The following ACVR1C variants were observed in gnomAD, a reference collection of about 807,000 sequenced individuals.
ACVR1C encodes activin receptor type-1C.
Under a neutral mutation model 57.9 loss-of-function variants are expected in ACVR1C, and 23 were observed. The ratio of observed to expected loss-of-function variants is 0.40; its 90% CI spans 0.29 to 0.56. ACVR1C has a LOEUF of 0.56. Among genes scored for constraint, ACVR1C ranks in the 20% least tolerant of loss-of-function variants. The pLI is 0.50. For missense variants in ACVR1C, 480 were observed against 607.9 expected (o/e 0.79, Z 2.21); for synonymous variants, 214 against 215.3 (o/e 0.99, Z 0.05).
chr2:157,540,557 A>G (rs1375174213), intron 7 of ACVR1C, among the ~76,000 whole-genome samples: 1 of 152,042 alleles, frequency 6.6e-6, no homozygotes, highest in Non-Finnish European at 1.5e-5. Context: ...CAGCCTCCCA[A>G]AGTGTTGGGA....
chr2:157,551,579 A>C (rs1345699731), intron 3 of ACVR1C, among the ~76,000 whole-genome samples: 1 of 152,208 alleles, frequency 6.6e-6, no homozygotes, highest in African/African-American at 2.4e-5. Context: ...TATGATGGTT[A>C]TTTCTCTTGG....
intron 1 of ACVR1C, among the ~76,000 whole-genome samples, chr2:157,621,484 C>T (rs540173471): frequency 2.6e-5 from 4 of 152,198 alleles, no homozygotes; most frequent in Admixed American, 6.5e-5. Context: ...TTGTATTGTT[C>T]GGGTTTCAGG....
intron 1 of ACVR1C, among the ~76,000 whole-genome samples, chr2:157,617,840 G>A (rs1162971127): frequency 1.3e-5 from 2 of 151,872 alleles, no homozygotes; most frequent in African/African-American, 2.4e-5. Flanking sequence ...CAATTGGTCA[G>A]TATATGGGTG....
chr2:157,538,328 T>C (rs1164479779), intron 8 of ACVR1C, among the ~76,000 whole-genome samples: 1 of 152,132 alleles, frequency 6.6e-6, no homozygotes, highest in Non-Finnish European at 1.5e-5. Context: ...TGCAGAGCAG[T>C]TTGTGTAAGC....
intron 8 of ACVR1C, among the ~76,000 whole-genome samples, chr2:157,535,645 T>C (rs190021654): frequency 2.6e-5 from 4 of 152,038 alleles, no homozygotes; most frequent in African/African-American, 7.2e-5. Context: ...CTGGCCAACA[T>C]AGTGGTGCAT....
At chr2:157,564,844 C>T (rs114755977) in intron 2 of ACVR1C, among the ~76,000 whole-genome samples, 6,767 of 152,196 alleles carry the variant, frequency 0.044, 275 homozygotes, top group African/African-American at 0.11. Flanking sequence ...CCTCAGCAAA[C>T]TAATACAGCA....
At chr2:157,601,689 G>T (rs529700171) in intron 1 of ACVR1C, among the ~76,000 whole-genome samples, 19 of 152,318 alleles carry the variant, frequency 1.2e-4, no homozygotes, top group African/African-American at 4.1e-4. Flanking sequence ...TCAGCAAGGT[G>T]CAGTAAAAAA....
At position 157,611,719 on chromosome 2, in the gene ACVR1C, C is replaced by T. The variant is rs150091538; in HGVS notation, c.73+16853G>A. ...GGGTATATTTTGTCAGTGGTGTTGA[C>T]AGCAAGCTGGGGGGGCCAGCTCTTA... On this transcript the variant is annotated intron_variant, in intron 1 of 8. Transcript: ENST00000243349. Among the ~76,000 whole-genome samples the T allele has an allele frequency of 1.5e-3, 231 of 152,272 alleles. 2 individuals carry two copies. The highest frequency in any genetic ancestry group is 5.4e-3 in the Admixed American group (83 of 15,296).
chr2:157,620,604 T>C lies in ACVR1C; in HGVS notation c.73+7968A>G, dbSNP rs558542432. 1.8e-3 allele frequency among the ~76,000 whole-genome samples: 281 copies of C among 152,286 alleles called. 2 individuals are homozygous for C. The highest frequency in any genetic ancestry group is 3.0e-3 in the Non-Finnish European group (206 of 67,992). On this transcript the variant is annotated intron_variant, in intron 1 of 8. Coordinates refer to ENST00000243349, the MANE Select transcript of ACVR1C (RefSeq NM_145259.3). Reference sequence around the variant, plus strand: ...CATTAAAAAAAATTTATATTTGTTGTTTTTAATTATTTTTTAATTGACACA... The same window carrying C: ...CATTAAAAAAAATTTATATTTGTTGCTTTTAATTATTTTTTAATTGACACA...
intron 2 of ACVR1C, among the ~76,000 whole-genome samples, chr2:157,572,063 G>A (rs1359957757): frequency 5.4e-5 from 2 of 36,866 alleles, no homozygotes; most frequent in African/African-American, 2.2e-4. Context: ...CATGTCCTTT[G>A]TAGGGACATG....
chr2:157,541,606 C>T (rs1687626757), intron 6 of ACVR1C, among the ~76,000 whole-genome samples: 1 of 152,192 alleles, frequency 6.6e-6, no homozygotes, highest in Non-Finnish European at 1.5e-5. Context: ...TGAAGGAATC[C>T]AGCATCCAAG....
chr2:157,597,541 C>T (rs1380531137), intron 1 of ACVR1C: 3 of 985,350 alleles, frequency 3.0e-6, no homozygotes, highest in South Asian at 4.7e-5. Flanking sequence ...GCTCGGCCAC[C>T]TGCCCGACGG....
chr2:157,609,512 A>G (rs535829075), intron 1 of ACVR1C, among the ~76,000 whole-genome samples: 2 of 152,030 alleles, frequency 1.3e-5, no homozygotes, highest in African/African-American at 2.4e-5. Context: ...TTTAAATCCA[A>G]TGTTTCTTTG....
intron 4 of ACVR1C, among the ~76,000 whole-genome samples, chr2:157,547,365 T>C (rs62176678): frequency 4.4e-4 from 29 of 65,930 alleles, no homozygotes; most frequent in Admixed American, 1.1e-3. Context: ...ATGGTATTTC[T>C]AGTTCTAGAT....
Position 157,628,754 on chromosome 2 carries a change from C to G in ACVR1C, c.-110G>C. 1 of 998,246 alleles carries G rather than the reference C, an allele frequency of 1.0e-6. No homozygotes were observed. 61.8% of individuals were successfully genotyped at this position (998,246 alleles called of 1,614,324 possible). ...GGGCCGCGGGAGGGGAGCGCGGCACCGACACCCTTTTGAAGTGCGCGGTTG... is the reference window on the plus strand; with the variant it reads ...GGGCCGCGGGAGGGGAGCGCGGCACGGACACCCTTTTGAAGTGCGCGGTTG... On this transcript the variant is annotated 5_prime_UTR_variant, in exon 1 of 9. Transcript: ENST00000243349.
intron 8 of ACVR1C, among the ~76,000 whole-genome samples, chr2:157,535,070 G>A (rs767903278): frequency 2.0e-5 from 3 of 149,976 alleles, no homozygotes; most frequent in East Asian, 1.9e-4. Flanking sequence ...GCTTAGGCCC[G>A]GAAGTTCAAG....
intron 2 of ACVR1C, among the ~76,000 whole-genome samples, chr2:157,563,540 C>T (rs897084904): frequency 1.3e-5 from 2 of 152,146 alleles, no homozygotes; most frequent in East Asian, 1.9e-4. Context: ...GGCCATGCTG[C>T]CTAAATTAAT....
intron 1 of ACVR1C, among the ~76,000 whole-genome samples, chr2:157,623,802 CATG>C (rs1443359924): frequency 6.6e-6 from 1 of 152,034 alleles, no homozygotes; most frequent in East Asian, 1.9e-4. Flanking sequence ...CCCCATTTTC[CATG>C]ATGTGCTTAT....
chr2:157,610,881 A>G (rs1228491259), intron 1 of ACVR1C, among the ~76,000 whole-genome samples: 1 of 151,864 alleles, frequency 6.6e-6, no homozygotes, highest in Non-Finnish European at 1.5e-5. Context: ...CAGTTCCAGG[A>G]TTTCTTATTA....
Sources: gnomAD v4.1 joint callset for allele counts (sites outside exome capture counted in the v4.1 genomes callset) on GRCh38, gnomAD v4.1.1 for gene constraint, MANE v1.5 for transcripts, NCBI Gene and HGNC (gene_info 2026-07-23, HGNC 2026-07-21) for gene names.